Variants in MC2R observed in about 807,000 individuals in gnomAD.
MC2R encodes melanocortin 2 receptor.
A neutral mutation model predicts 9.8 loss-of-function variants in MC2R; 9 were observed. That is an observed-to-expected ratio of 0.92 (90% CI 0.55 to 1.60). The LOEUF (loss-of-function observed/expected upper bound fraction) is 1.60, where lower values mean the gene tolerates loss of function less well. Ranked by LOEUF, MC2R falls within the 40% of genes most tolerant of loss-of-function variation. The pLI, the probability that MC2R is intolerant of heterozygous loss-of-function variation, is 0.00. For synonymous variants in MC2R, 185 were observed against 154.7 expected (o/e 1.20, Z -1.45); for missense variants, 370 against 389.0 (o/e 0.95, Z 0.41).
chr18:13,893,285 A>G (rs2045327756), intron 1 of MC2R, among the ~76,000 whole-genome samples: 1 of 152,200 alleles, frequency 6.6e-6, no homozygotes. Flanking sequence ...TGGGGTGGCG[A>G]GATGGCTAAT....
At chr18:13,892,087 C>G (rs1395429642) in intron 1 of MC2R, among the ~76,000 whole-genome samples, 3 of 152,128 alleles carry the variant, frequency 2.0e-5, no homozygotes, top group Non-Finnish European at 4.4e-5. Flanking sequence ...CCTGAGAGGA[C>G]CAGAGTCTGG....
At position 13,895,512 on chromosome 18, in the gene MC2R, G is replaced by C. The variant is rs189387211; in HGVS notation, c.-128-9866C>G. On this transcript the variant is annotated intron_variant, in intron 1 of 1. Transcript: ENST00000327606. ...GAAATGATGGGACCTTCGTGCAAGA[G>C]AGTCAGGAGAGGTTTTTATTCAGCA... 1.2e-3 allele frequency among the ~76,000 whole-genome samples: 180 copies of C among 152,288 alleles called. 3 individuals carry two copies. In the Middle Eastern group the frequency reaches 0.017, roughly 14 times the overall value.
rs1044948587 is a variant in MC2R at position 13,883,180 on chromosome 18, C to T, written c.*1445G>A. On this transcript the variant is annotated 3_prime_UTR_variant, in exon 2 of 2. Transcript: ENST00000327606. ...ATTGCCTGTTCTGGAAGATACCATC[C>T]ATCCTGCAGATCCTGAGCCTGGTGG... 2.6e-5 allele frequency: 4 copies of T among 152,430 alleles called. No homozygotes were observed. Among genetic ancestry groups the T allele is most frequent in the African/African-American group, 9.6e-5 (4 of 41,464 alleles). The allele number at this position is 152,430 out of a possible 1,614,324, so 9.4% of individuals were successfully genotyped here.
chr18:13,906,658 G>A (rs2045416311), intron 1 of MC2R, among the ~76,000 whole-genome samples: 1 of 152,198 alleles, frequency 6.6e-6, no homozygotes, highest in South Asian at 2.1e-4. Context: ...AGAAAACTGT[G>A]AGAGCTGACA....
At position 13,885,072 on chromosome 18, in the gene MC2R, C is replaced by A. The variant is rs754725510; in HGVS notation, c.447G>T (p.Val149=). 2.5e-6 allele frequency: 4 copies of A among 1,614,122 alleles called. No individual in the cohort carries two copies. Among genetic ancestry groups the A allele is most frequent in the Non-Finnish European group, 3.4e-6 (4 of 1,180,024 alleles). ...AGAACGTCCAGATGACCGTAAGCAC[C>A]ACCACAGTGCGGCGCATGGTCACGA... ...HSIVTMRRTV[V]VLTVIWTFCT... is the part of the protein sequence containing the mutation. The change falls in exon 2 of 2, where the codon GTG becomes GTT. Residue 149 remains valine (V), a synonymous_variant. Coordinates refer to ENST00000327606, the MANE Select transcript of MC2R (RefSeq NM_000529.2).
Position 13,884,907 on chromosome 18 carries a change from G to C in MC2R, c.612C>G (p.Thr204=). 1 of 1,613,972 alleles carries C rather than the reference G, an allele frequency of 6.2e-7. No individual in the cohort carries two copies. The highest frequency in any genetic ancestry group is 1.3e-5 in the African/African-American group (1 of 74,978). Reference sequence around the variant, plus strand: ...CTCTGGGGAGGGTGGAGATCTTCCTGGTGTGGGATCGAGCCAGCAGGAACA... The same window carrying C: ...CTCTGGGGAGGGTGGAGATCTTCCTCGTGTGGGATCGAGCCAGCAGGAACA... The part of the protein sequence containing the change: ...VHMFLLARSH[T]RKISTLPRAN... The change falls in exon 2 of 2, where the codon ACC becomes ACG. Residue 204 remains threonine, a synonymous_variant. Coordinates refer to ENST00000327606, the MANE Select transcript of MC2R (RefSeq NM_000529.2).
intron 1 of MC2R, among the ~76,000 whole-genome samples, chr18:13,907,260 A>G (rs181765230): frequency 2.5e-4 from 38 of 152,352 alleles, no homozygotes; most frequent in African/African-American, 9.1e-4. Context: ...TGCCAAGAAC[A>G]TACAATGGGG....
chr18:13,899,740 G>A (rs749342381), intron 1 of MC2R, among the ~76,000 whole-genome samples: 5 of 152,120 alleles, frequency 3.3e-5, no homozygotes, highest in African/African-American at 1.2e-4. Flanking sequence ...TTTTACCTGA[G>A]AATAGTATAT....
intron 1 of MC2R, among the ~76,000 whole-genome samples, chr18:13,896,352 A>G (rs2045346279): frequency 6.6e-6 from 1 of 152,210 alleles, no homozygotes; most frequent in African/African-American, 2.4e-5. Context: ...AGCTTTCTCA[A>G]CCAGGAAAAA....
rs1250111306 is a variant in MC2R at position 13,884,605 on chromosome 18, A to G, written c.*20T>C. The G allele has an allele frequency of 5.6e-6, 9 of 1,610,342 alleles. No homozygotes were observed. In the South Asian group the frequency reaches 9.9e-5, roughly 18 times the overall value. ...TGGCAACGTTATTCCCATGGATTCT[A>G]AAACCAGGGATCAGCCATTCTACCA... On this transcript the variant is annotated 3_prime_UTR_variant, in exon 2 of 2. Coordinates refer to ENST00000327606, the MANE Select transcript of MC2R (RefSeq NM_000529.2).
chr18:13,897,508 G>A (rs78693313), intron 1 of MC2R, among the ~76,000 whole-genome samples: 2,947 of 152,140 alleles, frequency 0.019, 46 homozygotes, highest in Non-Finnish European at 0.031. Flanking sequence ...CTTGGGGGGC[G>A]CACAACCTAC....
chr18:13,892,703 G>A (rs1230183441), intron 1 of MC2R, among the ~76,000 whole-genome samples: 1 of 152,080 alleles, frequency 6.6e-6, no homozygotes, highest in Non-Finnish European at 1.5e-5. Flanking sequence ...GTTCAGTCAA[G>A]TTGAGATAAA....
At chr18:13,897,437 A>G (rs937501225) in intron 1 of MC2R, among the ~76,000 whole-genome samples, 2 of 152,094 alleles carry the variant, frequency 1.3e-5, no homozygotes, top group African/African-American at 4.8e-5. Flanking sequence ...GGCAGTCTAG[A>G]CCACAAGGAC....
At chr18:13,896,449 T>C (rs1221009804) in intron 1 of MC2R, among the ~76,000 whole-genome samples, 10 of 152,194 alleles carry the variant, frequency 6.6e-5, no homozygotes, top group Non-Finnish European at 7.3e-5. Flanking sequence ...GTACAATGAT[T>C]AAGCAAATAG....
intron 1 of MC2R, among the ~76,000 whole-genome samples, chr18:13,914,806 G>A (rs1031248434): frequency 3.3e-5 from 5 of 152,212 alleles, no homozygotes; most frequent in African/African-American, 1.2e-4. Context: ...GCCAAAGGAA[G>A]GTGTGAGCCC....
intron 1 of MC2R, among the ~76,000 whole-genome samples, chr18:13,913,810 G>C (rs1349935740): frequency 6.6e-6 from 1 of 152,110 alleles, no homozygotes; most frequent in Non-Finnish European, 1.5e-5. Flanking sequence ...GTAGCTGTTT[G>C]TTCTTATTTC....
rs1203244278 is a variant in MC2R, at chr18:13,913,128, C to T, written c.-129+2360G>A. On this transcript the variant is annotated intron_variant, in intron 1 of 1. Transcript: ENST00000327606. ...ATCTTAGGACGAGCGAAGGAAAGTCCCGAGAATGGAAGCTTTTGCAGGAGC... is the reference window on the plus strand; with the variant it reads ...ATCTTAGGACGAGCGAAGGAAAGTCTCGAGAATGGAAGCTTTTGCAGGAGC... Among the ~76,000 whole-genome samples the T allele has an allele frequency of 3.9e-5, 6 of 152,006 alleles. No individual in the cohort carries two copies. The East Asian group carries it at 5.8e-4, about 15-fold the overall frequency.
chr18:13,900,947 T>C (rs2045375974), intron 1 of MC2R, among the ~76,000 whole-genome samples: 1 of 152,164 alleles, frequency 6.6e-6, no homozygotes, highest in Non-Finnish European at 1.5e-5. Context: ...AGAATATACA[T>C]TCGTTTTCTC....
At chr18:13,906,200 C>T (rs1047058606) in intron 1 of MC2R, among the ~76,000 whole-genome samples, 2 of 152,158 alleles carry the variant, frequency 1.3e-5, no homozygotes, top group Non-Finnish European at 2.9e-5. Flanking sequence ...CAATGATAGA[C>T]TGGATAAAGA....
Sources: allele counts gnomAD v4.1 joint callset (sites outside exome capture counted in the v4.1 genomes callset), GRCh38; gene constraint gnomAD v4.1.1; transcripts MANE v1.5; gene names NCBI Gene and HGNC (gene_info 2026-07-23, HGNC 2026-07-21).